Variants in MCF2L observed in about 807,000 individuals in gnomAD.
MCF2L encodes the protein guanine nucleotide exchange factor DBS.
Under a neutral mutation model 153.4 loss-of-function variants are expected in MCF2L, and 97 were observed. The ratio of observed to expected loss-of-function variants is 0.63; its 90% confidence interval spans 0.54 to 0.75. The LOEUF is 0.75. Among genes scored for constraint, MCF2L ranks in the 30% least tolerant of loss-of-function variants. The pLI is 0.00. For synonymous variants in MCF2L, 659 were observed against 632.2 expected (o/e 1.04, Z -0.64); for missense variants, 1,347 against 1,495.2 (o/e 0.90, Z 1.64).
chr13:113,047,786 G>A (rs1038382457), intron 4 of MCF2L, among the ~76,000 whole-genome samples: 5 of 151,872 alleles, frequency 3.3e-5, no homozygotes, highest in East Asian at 3.9e-4. Flanking sequence ...CTCTGCTCAC[G>A]CCTCGCTACG....
intron 1 of MCF2L, among the ~76,000 whole-genome samples, chr13:112,988,470 C>A (rs191266980): frequency 1.3e-5 from 2 of 152,154 alleles, no homozygotes; most frequent in East Asian, 3.9e-4. Flanking sequence ...CAGCTCTGTG[C>A]GGCCTGGAGG....
upstream of MCF2L, chr13:112,967,395 C>T (rs1341877883): frequency 6.6e-6 from 1 of 152,210 alleles, no homozygotes; most frequent in Non-Finnish European, 1.5e-5. Flanking sequence ...TCTCCTTTCA[C>T]TGGTCTCCAA....
Position 113,074,585 on chromosome 13 carries a change from G to T in MCF2L, c.1116+22G>T. On this transcript the variant is annotated intron_variant, in intron 10 of 29. Coordinates refer to ENST00000535094, the MANE Select transcript of MCF2L (RefSeq NM_001112732.3). The surrounding 1 kb of genome is among the most constrained non-coding windows in gnomAD (Gnocchi z 4.2). ...AGGCGTAAGGCGGGGTCCCGGCGGG[G>T]GCGGCGGGAGAGTGTGGGCAGCATC... 1 of 1,610,802 alleles carries T rather than the reference G, an allele frequency of 6.2e-7. No homozygotes were observed. Among genetic ancestry groups the T allele is most frequent in the Non-Finnish European group, 8.5e-7 (1 of 1,177,746 alleles).
intron 1 of MCF2L, chr13:112,979,734 G>C (rs758443618): frequency 2.5e-6 from 4 of 1,612,338 alleles, no homozygotes; most frequent in Non-Finnish European, 3.4e-6. Context: ...GAGGCGCCGG[G>C]GAACTGCAGG....
intron 21 of MCF2L, 28 bp from the exon 22 acceptor site, chr13:113,087,207 G>A: frequency 6.3e-7 from 1 of 1,598,540 alleles, no homozygotes; most frequent in Non-Finnish European, 8.5e-7. Context: ...ATCCCGTCCT[G>A]AACACAGCCC....
intron 1 of MCF2L, among the ~76,000 whole-genome samples, chr13:112,897,171 C>T (rs1447924307): frequency 2.0e-5 from 3 of 152,232 alleles, no homozygotes; most frequent in Non-Finnish European, 4.4e-5. Context: ...TGGCAACCCC[C>T]GCTTTGGGAA....
intron 5 of MCF2L, among the ~76,000 whole-genome samples, chr13:113,061,670 C>G (rs1206080059): frequency 6.8e-6 from 1 of 146,664 alleles, no homozygotes; most frequent in Non-Finnish European, 1.5e-5. Context: ...GGCCTTTCCC[C>G]ATGTACTGCC....
At chr13:112,972,299 GT>G (rs2082062737) in intron 1 of MCF2L, among the ~76,000 whole-genome samples, 1 of 151,534 alleles carries the variant, frequency 6.6e-6, no homozygotes, top group Non-Finnish European at 1.5e-5. Flanking sequence ...ATGAATGGAT[GT>G]GTGGGTGGGT....
chr13:113,007,182 A>T (rs1311313026), intron 1 of MCF2L, among the ~76,000 whole-genome samples: 2 of 152,228 alleles, frequency 1.3e-5, no homozygotes, highest in Non-Finnish European at 2.9e-5. Context: ...ACACAGATCC[A>T]GGGTCCGTGC....
chr13:112,940,443 T>C (rs1391977484), intron 2 of MCF2L, among the ~76,000 whole-genome samples: 1 of 152,234 alleles, frequency 6.6e-6, no homozygotes, highest in Non-Finnish European at 1.5e-5. Flanking sequence ...GGGCAGTCAC[T>C]TCCCGTGGTC....
At chr13:112,897,197 G>A (rs922986131) in intron 1 of MCF2L, among the ~76,000 whole-genome samples, 9 of 152,158 alleles carry the variant, frequency 5.9e-5, no homozygotes, top group African/African-American at 2.2e-4. Flanking sequence ...CATCATGAGG[G>A]TCGCTCCTGG....
At chr13:112,937,400 T>A (rs1045597426) in intron 2 of MCF2L, among the ~76,000 whole-genome samples, 1 of 152,214 alleles carries the variant, frequency 6.6e-6, no homozygotes, top group African/African-American at 2.4e-5. Context: ...TCAGAAAAAA[T>A]TTAGAACATT....
chr13:113,022,886 C>G (rs1016887489), intron 2 of MCF2L, among the ~76,000 whole-genome samples: 10 of 152,126 alleles, frequency 6.6e-5, no homozygotes, highest in African/African-American at 2.4e-4. Context: ...AGAGGAAGTG[C>G]GAATTAACAA....
intron 24 of MCF2L, 67 bp from the exon 25 acceptor site, chr13:113,088,495 G>A: frequency 1.2e-6 from 2 of 1,606,648 alleles, no homozygotes; most frequent in Non-Finnish European, 1.7e-6. Flanking sequence ...GTCCCCCCAT[G>A]CGCAAGGTGC....
chr13:112,969,609 G>C lies in MCF2L; in HGVS notation c.79+151G>C. 1.1e-6 allele frequency: 1 copy of C among 921,472 alleles called. No homozygotes were observed. The highest frequency in any genetic ancestry group is 1.3e-6 in the Non-Finnish European group (1 of 771,502). 57.1% of individuals were successfully genotyped at this position (921,472 alleles called of 1,614,324 possible). A position where few individuals can be genotyped will look rare whatever the true frequency, so the allele number is the denominator to read the frequency against. Reference sequence around the variant, plus strand: ...CATGGGGGGCACTGGTTGGCAGCTGGTGTGTTTTCAGAGGCTGTCGGCGAT... The same window carrying C: ...CATGGGGGGCACTGGTTGGCAGCTGCTGTGTTTTCAGAGGCTGTCGGCGAT... On this transcript the variant is annotated intron_variant, in intron 1 of 29. Coordinates refer to ENST00000535094, the MANE Select transcript of MCF2L (RefSeq NM_001112732.3). This position sits in a 1 kb window ranked among gnomAD's most constrained non-coding sequence, Gnocchi z 4.8.
rs1328679223 is a variant in MCF2L at position 112,960,775 on chromosome 13, C to T, written c.170-53988C>T. 1.3e-5 allele frequency among the ~76,000 whole-genome samples: 2 copies of T among 152,150 alleles called. No individual in the cohort carries two copies. The highest frequency in any genetic ancestry group is 3.9e-4 in the East Asian group (2 of 5,188). On this transcript the variant is annotated intron_variant, in intron 2 of 29. Transcript: ENST00000375608. The surrounding 1 kb of genome is among the most constrained non-coding windows in gnomAD (Gnocchi z 4.2). ...CAGGTGCTGCCTGCATTCCTGGGCTCATGGCCGCACCACCCAGACCCTTAC... is the reference window on the plus strand; with the variant it reads ...CAGGTGCTGCCTGCATTCCTGGGCTTATGGCCGCACCACCCAGACCCTTAC...
intron 3 of MCF2L, among the ~76,000 whole-genome samples, chr13:113,037,982 T>C (rs2086250559): frequency 6.6e-6 from 1 of 152,196 alleles, no homozygotes; most frequent in Non-Finnish European, 1.5e-5. Context: ...GCAAGATCAA[T>C]GGGCAGGGGT....
chr13:113,062,571 G>A (rs1332345950), intron 5 of MCF2L, among the ~76,000 whole-genome samples: 1 of 152,070 alleles, frequency 6.6e-6, no homozygotes, highest in Non-Finnish European at 1.5e-5. Context: ...ACAGCAAGCC[G>A]TCAAAATGGG....
intron 20 of MCF2L, among the ~76,000 whole-genome samples, chr13:113,085,599 G>A (rs1442306196): frequency 6.6e-6 from 1 of 152,120 alleles, no homozygotes; most frequent in East Asian, 1.9e-4. Context: ...CAGGGTTAGG[G>A]TGGCGAGAGG....
Sources: gnomAD v4.1 joint callset for allele counts (sites outside exome capture counted in the v4.1 genomes callset) on GRCh38, gnomAD v4.1.1 for gene constraint, Gnocchi (gnomAD v3.1) non-coding constraint, MANE v1.5 for transcripts, NCBI Gene and HGNC (gene_info 2026-07-23, HGNC 2026-07-21) for gene names.